The following TARBP1 variants were observed in gnomAD, a reference collection of about 807,000 sequenced individuals.
TARBP1 encodes tRNA guanosine 2 -O-methyltransferase TARBP1.
TARBP1 carries 144 observed loss-of-function variants against 178.6 expected under a neutral mutation model. The observed-to-expected ratio is 0.81, with a 90% CI of 0.70 to 0.93. TARBP1 has a LOEUF of 0.93. Among genes scored for constraint, TARBP1 ranks in the 40% least tolerant of loss-of-function variants. TARBP1 has a pLI of 0.00. For synonymous variants in TARBP1, 787 were observed against 781.0 expected, an observed-to-expected ratio of 1.01 and a Z score of -0.13; for missense variants, 2,067 against 2,011.7, an observed-to-expected ratio of 1.03 and a Z score of -0.53.
intron 4 of TARBP1, among the ~76,000 whole-genome samples, chr1:234,467,259 C>T (rs554650174): frequency 1.3e-3 from 200 of 152,302 alleles, no homozygotes; most frequent in Non-Finnish European, 2.3e-3. Flanking sequence ...CTTGACTTAA[C>T]GCTGTTCTGA....
chr1:234,433,939 T>A (rs1387611872), intron 13 of TARBP1, among the ~76,000 whole-genome samples: 3 of 152,204 alleles, frequency 2.0e-5, no homozygotes, highest in African/African-American at 7.2e-5. Context: ...CTTCCACTGT[T>A]TACAAAAATC....
chr1:234,400,296 A>G (rs1179967990), intron 25 of TARBP1: 7 of 152,244 alleles, frequency 4.6e-5, no homozygotes, highest in African/African-American at 1.7e-4. Flanking sequence ...AGTCCTGCAG[A>G]AAGATGCCGG....
In TARBP1 at chr1:234,479,145, G is replaced by A. The variant is rs375904919; in HGVS notation, c.-42C>T. The A allele has an allele frequency of 7.1e-5, 104 of 1,474,434 alleles. 1 individual carries two copies. The African/African-American group carries it at 1.3e-3, about 18-fold the overall frequency. The allele number at this position is 1,474,434 out of a possible 1,614,324, so 91.3% of individuals were successfully genotyped here. On this transcript the variant is annotated 5_prime_UTR_variant, in exon 1 of 30. Transcript: ENST00000040877. ...CCACCGGCCCGGGCTCCCAAAGGAAGGCGCCGGCGTGTGCGATGCGTGCGC... is the reference window on the plus strand; with the variant it reads ...CCACCGGCCCGGGCTCCCAAAGGAAAGCGCCGGCGTGTGCGATGCGTGCGC...
intron 21 of TARBP1, among the ~76,000 whole-genome samples, chr1:234,419,616 T>C (rs1296240406): frequency 3.3e-5 from 5 of 152,094 alleles, no homozygotes; most frequent in Non-Finnish European, 7.4e-5. Context: ...ACATTACCCT[T>C]CTCTCTAGGA....
intron 22 of TARBP1, among the ~76,000 whole-genome samples, chr1:234,416,045 G>A (rs541063853): frequency 1.3e-5 from 2 of 152,338 alleles, no homozygotes; most frequent in African/African-American, 2.4e-5. Context: ...ACGAGTGAGA[G>A]GCTGAGCTAA....
chr1:234,459,838 G>A (rs1269078233), intron 7 of TARBP1, among the ~76,000 whole-genome samples: 1 of 151,444 alleles, frequency 6.6e-6, no homozygotes, highest in Non-Finnish European at 1.5e-5. Flanking sequence ...AAATGAAGAT[G>A]CTTTTAAAGA....
rs1666414587 is a variant in TARBP1 at position 234,448,537 on chromosome 1, A to C, written c.1904T>G (p.Leu635Arg). Residue 635 changes from leucine to arginine, a missense_variant, in exon 11 of 30, where the codon CTT becomes CGT. By Grantham distance (102) the Leu-to-Arg change is moderately radical (BLOSUM62 -2). Coordinates refer to ENST00000040877, the MANE Select transcript of TARBP1 (RefSeq NM_005646.4). Reference protein sequence around the residue: ...CFMPDWFEAKLVSLMVLLAVD... With the variant: ...CFMPDWFEAKRVSLMVLLAVD... ...AGCCAGCAAGACCATCAGAGAAACA[A>C]GCTTGGCTTCAAACCAATCAGGCAT... 6.2e-7 allele frequency: 1 copy of C among 1,613,984 alleles called. No homozygotes were observed. Among genetic ancestry groups the C allele is most frequent in the African/African-American group, 1.3e-5 (1 of 74,936 alleles).
At chr1:234,428,913 G>A (rs988728668) in intron 17 of TARBP1, among the ~76,000 whole-genome samples, 17 of 152,074 alleles carry the variant, frequency 1.1e-4, no homozygotes, top group African/African-American at 3.4e-4. Context: ...CAAACAAACC[G>A]TTTCTGAGGC....
intron 1 of TARBP1, among the ~76,000 whole-genome samples, chr1:234,474,514 T>C (rs553194033): frequency 2.6e-5 from 4 of 152,150 alleles, no homozygotes; most frequent in East Asian, 1.9e-4. Context: ...AGGATGAAAA[T>C]AGACTCCTAT....
At chr1:234,400,030 G>A (rs1162006982) in intron 25 of TARBP1, among the ~76,000 whole-genome samples, 2 of 114,066 alleles carry the variant, frequency 1.8e-5, no homozygotes, top group Non-Finnish European at 3.7e-5. Flanking sequence ...AAAACTTAAA[G>A]TATAATAATA....
chr1:234,476,803 T>G (rs188307725), intron 1 of TARBP1, among the ~76,000 whole-genome samples: 1 of 152,342 alleles, frequency 6.6e-6, no homozygotes, highest in African/African-American at 2.4e-5. Context: ...CCCCTAATAT[T>G]CCGTTAAGAG....
At chr1:234,452,556 G>A (rs540201280) in intron 9 of TARBP1, among the ~76,000 whole-genome samples, 2 of 152,224 alleles carry the variant, frequency 1.3e-5, no homozygotes, top group Admixed American at 6.5e-5. Context: ...AATCCAGAAC[G>A]CTGACAAACC....
chr1:234,458,454 G>A (rs944022438), intron 8 of TARBP1, among the ~76,000 whole-genome samples: 1 of 152,150 alleles, frequency 6.6e-6, no homozygotes, highest in African/African-American at 2.4e-5. Flanking sequence ...AAGATACCTT[G>A]GCTCTATCTA....
chr1:234,391,891 G>A (rs1031841719), intron 29 of TARBP1, 146 bp from the exon 30 acceptor site: 33 of 879,398 alleles, frequency 3.8e-5, no homozygotes, highest in Non-Finnish European at 5.8e-5. Context: ...ATGAAGTTAA[G>A]TCTGTAGTAC....
At chr1:234,470,558 G>A (rs182962482) in intron 3 of TARBP1, among the ~76,000 whole-genome samples, 111 of 125,236 alleles carry the variant, frequency 8.9e-4, no homozygotes, top group African/African-American at 3.0e-3. Flanking sequence ...ATCATCAACG[G>A]TTTAAAAAAT....
chr1:234,418,515 C>T (rs58280136), intron 21 of TARBP1, among the ~76,000 whole-genome samples: 8,586 of 152,318 alleles, frequency 0.056, 301 homozygotes, highest in Middle Eastern at 0.099. Context: ...AGCTGAATAA[C>T]CCTCCCAAAG....
rs141617077 is a variant in TARBP1, at chr1:234,421,755, T to C, written c.3445-943A>G. The stretch of plus-strand genomic sequence containing the variant: ...AGGTTTGCTTTTATCACCATAACTA[T>C]TAGTGCTTTGGCCATAAAGCAAGAT... On this transcript the variant is annotated intron_variant, in intron 20 of 29. Transcript: ENST00000040877. Among the ~76,000 whole-genome samples, 80 of 152,374 alleles carry C rather than the reference T, an allele frequency of 5.3e-4. 1 individual carries two copies. In the East Asian group the frequency reaches 8.7e-3, roughly 17 times the overall value.
At position 234,429,589 on chromosome 1, in the gene TARBP1, A is replaced by G; in HGVS notation, c.2698T>C (p.Leu900=). 6.2e-7 allele frequency: 1 copy of G among 1,614,124 alleles called. No individual in the cohort carries two copies. The highest frequency in any genetic ancestry group is 8.5e-7 in the Non-Finnish European group (1 of 1,180,020). The change falls in exon 16 of 30, where the codon TTG becomes CTG. Residue 900 remains leucine, a synonymous_variant. Transcript: ENST00000040877. ...GGTATAAGGGTGTGATATTTTTTCA[A>G]CAGGAAAGAGAGGCACACCCATTGA... ...HDQWVCLSFL[L]KKYHTLIPTT...
At chr1:234,474,225 G>A (rs1669350792) in intron 1 of TARBP1, among the ~76,000 whole-genome samples, 1 of 148,410 alleles carries the variant, frequency 6.7e-6, no homozygotes, top group Non-Finnish European at 1.5e-5. Flanking sequence ...GCCTGGGCAA[G>A]AGCGAGGATT....
Sources: gnomAD v4.1 joint callset for allele counts (sites outside exome capture counted in the v4.1 genomes callset) on GRCh38, gnomAD v4.1.1 for gene constraint, MANE v1.5 for transcripts, NCBI Gene and HGNC (gene_info 2026-07-23, HGNC 2026-07-21) for gene names.